CORO2A: variants seen among roughly 807,000 people sequenced by gnomAD.
CORO2A encodes coronin 2A.
A neutral mutation model predicts 62.4 loss-of-function variants in CORO2A; 47 were observed. That is an observed-to-expected ratio of 0.75 (90% confidence interval 0.60 to 0.96). The LOEUF (loss-of-function observed/expected upper bound fraction) is 0.96. Ranked by LOEUF, CORO2A falls within the 40% of genes least tolerant of loss-of-function variation. CORO2A has a pLI of 0.00. For missense variants in CORO2A, 610 were observed against 684.1 expected (o/e 0.89, Z 1.21); for synonymous variants, 273 against 268.9 (o/e 1.02, Z -0.15).
chr9:98,128,216 G>T lies in CORO2A; in HGVS notation c.1125C>A (p.Ala375=). The change falls in exon 10 of 12, where the codon GCC becomes GCA. Residue 375 remains alanine (A), a synonymous_variant. Coordinates refer to ENST00000375077, the MANE Select transcript of CORO2A (RefSeq NM_052820.4). ...ACTCCTGGGCCGTCAGGGAGGGCTGGGCCCCTGCTGTTGGAGGGTATATGT... is the reference window on the plus strand; with the variant it reads ...ACTCCTGGGCCGTCAGGGAGGGCTGTGCCCCTGCTGTTGGAGGGTATATGT... ...QEDIYPPTAG[A]QPSLTAQEWL... 2.5e-6 allele frequency: 4 copies of T among 1,613,490 alleles called. No homozygotes were observed. Among genetic ancestry groups the T allele is most frequent in the South Asian group, 1.1e-5 (1 of 90,882 alleles).
intron 4 of CORO2A, among the ~76,000 whole-genome samples, chr9:98,134,382 G>T (rs1827455461): frequency 6.6e-6 from 1 of 152,056 alleles, no homozygotes; most frequent in Admixed American, 6.5e-5. Flanking sequence ...GCTATAATGA[G>T]TTGAACAGGG....
intron 1 of CORO2A, among the ~76,000 whole-genome samples, chr9:98,181,422 T>G (rs1281917807): frequency 1.3e-5 from 2 of 150,452 alleles, no homozygotes; most frequent in African/African-American, 4.9e-5. Flanking sequence ...GCAATCCTCA[T>G]GTCTCAGTCT....
At chr9:98,186,898 C>T (rs1031501747) in intron 1 of CORO2A, among the ~76,000 whole-genome samples, 1 of 152,188 alleles carries the variant, frequency 6.6e-6, no homozygotes, top group Non-Finnish European at 1.5e-5. Context: ...CCAGGTCCCA[C>T]AGCAGCACTC....
chr9:98,190,939 A>C (rs1828298881), intron 1 of CORO2A, among the ~76,000 whole-genome samples: 2 of 152,214 alleles, frequency 1.3e-5, no homozygotes, highest in African/African-American at 4.8e-5. Context: ...GCAAGGTCAT[A>C]GGCACTACTT....
intron 1 of CORO2A, among the ~76,000 whole-genome samples, chr9:98,158,911 G>A (rs771572729): frequency 6.6e-5 from 10 of 152,150 alleles, no homozygotes; most frequent in Non-Finnish European, 1.0e-4. Flanking sequence ...GAGGGGCGAG[G>A]AGAGCCAGAT....
chr9:98,191,230 C>T (rs1168878601), intron 1 of CORO2A, among the ~76,000 whole-genome samples: 2 of 152,168 alleles, frequency 1.3e-5, no homozygotes, highest in Non-Finnish European at 2.9e-5. Flanking sequence ...GGCTCCGGCT[C>T]TCCTCACTCC....
At chr9:98,185,461 C>T (rs1034061392) in intron 1 of CORO2A, among the ~76,000 whole-genome samples, 2 of 152,354 alleles carry the variant, frequency 1.3e-5, no homozygotes, top group East Asian at 3.9e-4. Context: ...GCGGGGTCAG[C>T]TCTCCTTCTT....
chr9:98,155,953 T>G (rs1222809542), intron 2 of CORO2A, among the ~76,000 whole-genome samples: 1 of 152,126 alleles, frequency 6.6e-6, no homozygotes, highest in Non-Finnish European at 1.5e-5. Flanking sequence ...TTTTATCTTC[T>G]CTAATGTATC....
At chr9:98,159,734 T>C (rs1827858607) in intron 1 of CORO2A, among the ~76,000 whole-genome samples, 1 of 152,012 alleles carries the variant, frequency 6.6e-6, no homozygotes, top group Non-Finnish European at 1.5e-5. Context: ...CTTTAGCCCT[T>C]GACACTGTCT....
At chr9:98,141,945 A>C (rs986272934) in intron 2 of CORO2A, among the ~76,000 whole-genome samples, 1 of 152,180 alleles carries the variant, frequency 6.6e-6, no homozygotes, top group Non-Finnish European at 1.5e-5. Flanking sequence ...CTGAGAAAAA[A>C]AAACTAAAAG....
At chr9:98,128,745 A>T in intron 8 of CORO2A, 26 bp from the exon 9 acceptor site, 1 of 1,601,398 alleles carries the variant, frequency 6.2e-7, no homozygotes, top group Non-Finnish European at 8.6e-7. Context: ...GAGGGCCAAG[A>T]GGTTCTGGCT....
At position 98,123,078 on chromosome 9, in the gene CORO2A, G is replaced by C. The variant is rs1319299626; in HGVS notation, c.*1696C>G. ...TCCTGCAGAGAGCAGCTTGTTCCAG[G>C]GTACCCCTGGTTCAGATGAAGAAAC... On this transcript the variant is annotated 3_prime_UTR_variant, in exon 12 of 12. Transcript: ENST00000375077. 3.3e-5 allele frequency: 5 copies of C among 152,246 alleles called. No homozygotes were observed. Among genetic ancestry groups the C allele is most frequent in the Non-Finnish European group, 7.3e-5 (5 of 68,088 alleles). The allele number at this position is 152,246 out of a possible 1,614,324, so 9.4% of individuals were successfully genotyped here.
In CORO2A at chr9:98,126,642, C is replaced by T. The variant is rs144845278; in HGVS notation, c.1353G>A (p.Arg451=). ...CCTCCAGCCTGTGTTCTGCTGCCCA[C>T]CTTGGCATCTTCTCCTCCAACAGGG... ...SSSLLEEKMP[R]WAAEHRLEEK... The change falls in exon 11 of 12, where the codon AGG becomes AGA. Residue 451 remains arginine (R), a synonymous_variant. Transcript: ENST00000375077. The T allele has an allele frequency of 5.3e-4, 863 of 1,614,228 alleles. No homozygotes were observed. Among genetic ancestry groups the T allele is most frequent in the Non-Finnish European group, 7.0e-4 (822 of 1,180,028 alleles).
chr9:98,191,612 G>A (rs912639973), intron 1 of CORO2A, among the ~76,000 whole-genome samples: 1 of 152,170 alleles, frequency 6.6e-6, no homozygotes, highest in African/African-American at 2.4e-5. Flanking sequence ...GTGCAAGGGG[G>A]CAGCAAGACC....
intron 1 of CORO2A, among the ~76,000 whole-genome samples, chr9:98,169,843 G>C (rs1413926484): frequency 6.6e-6 from 1 of 152,136 alleles, no homozygotes; most frequent in Non-Finnish European, 1.5e-5. Flanking sequence ...TCTTAGCAGG[G>C]CTCTTAGAAT....
At chr9:98,190,304 A>G (rs1828291337) in intron 1 of CORO2A, among the ~76,000 whole-genome samples, 1 of 152,220 alleles carries the variant, frequency 6.6e-6, no homozygotes, top group Non-Finnish European at 1.5e-5. Flanking sequence ...CATTTTCATG[A>G]TAACAGGCTG....
intron 2 of CORO2A, among the ~76,000 whole-genome samples, chr9:98,153,764 C>A (rs1191938058): frequency 6.6e-6 from 1 of 151,366 alleles, no homozygotes; most frequent in Non-Finnish European, 1.5e-5. Flanking sequence ...GGAATTAGTT[C>A]AGTTTTATTT....
chr9:98,126,049 T>G (rs1274272109), intron 11 of CORO2A, among the ~76,000 whole-genome samples: 1 of 145,794 alleles, frequency 6.9e-6, no homozygotes, highest in Admixed American at 6.9e-5. Flanking sequence ...TTTTTTTTTT[T>G]TTTTAAGATG....
At position 98,122,534 on chromosome 9, in the gene CORO2A, T is replaced by C. The variant is rs1478790614; in HGVS notation, c.*2240A>G. The C allele has an allele frequency of 6.6e-6, 1 of 152,190 alleles. No homozygotes were observed. The highest frequency in any genetic ancestry group is 2.4e-5 in the African/African-American group (1 of 41,426). The allele number at this position is 152,190 out of a possible 1,614,324, so 9.4% of individuals were successfully genotyped here. A position where few individuals can be genotyped will look rare whatever the true frequency, so the allele number is the denominator to read the frequency against. On this transcript the variant is annotated 3_prime_UTR_variant, in exon 12 of 12. Transcript: ENST00000375077. ...AATCATTCCCAGTCTCTTGGTGGAC[T>C]ATTGTATTGACCACTGAACTTTAGA...
Sources: gnomAD v4.1 joint callset for allele counts (sites outside exome capture counted in the v4.1 genomes callset) on GRCh38, gnomAD v4.1.1 for gene constraint, MANE v1.5 for transcripts, NCBI Gene and HGNC (gene_info 2026-07-23, HGNC 2026-07-21) for gene names.